Variants in CNOT6L observed in about 807,000 individuals in gnomAD.
CNOT6L encodes CCR4-NOT transcription complex subunit 6 like, also known as CCR4-NOT transcription complex subunit 6-like.
A neutral mutation model predicts 64.0 loss-of-function variants in CNOT6L; 7 were observed. That is an observed-to-expected ratio of 0.11 (90% CI 0.06 to 0.21). The LOEUF is 0.21. Ranked by LOEUF, CNOT6L falls within the 10% of genes least tolerant of loss-of-function variation. The probability of loss-of-function intolerance (pLI) is 1.00; values close to 1 mark genes in which losing one functional copy is unlikely to be tolerated. For synonymous variants in CNOT6L, 193 were observed against 243.4 expected, an observed-to-expected ratio of 0.79 and a Z score of 1.93; for missense variants, 245 against 669.0, an observed-to-expected ratio of 0.37 and a Z score of 6.99.
intron 1 of CNOT6L, 69 bp downstream of exon 1, chr4:77,819,234 TC>T: frequency 6.2e-7 from 1 of 1,611,894 alleles, no homozygotes; most frequent in Admixed American, 1.7e-5. Flanking sequence ...CTCTCCCACC[TC>T]ATTTCCCCGG....
chr4:77,807,276 C>CAAAAAAAAAAGAAAAAAA (rs1732344419), intron 1 of CNOT6L, among the ~76,000 whole-genome samples: 1 of 108,226 alleles, frequency 9.2e-6, no homozygotes, highest in African/African-American at 4.5e-5. Flanking sequence ...GACTCCATCT[C>CAAAAAAAAAAGAAAAAAA]AAAAAAAAAA....
At chr4:77,770,554 ACT>A (rs1467214175) in intron 4 of CNOT6L, among the ~76,000 whole-genome samples, 2 of 152,234 alleles carry the variant, frequency 1.3e-5, no homozygotes, top group Admixed American at 6.5e-5. Context: ...GGAAAGTGAC[ACT>A]GACAAAAAAC....
intron 1 of CNOT6L, among the ~76,000 whole-genome samples, chr4:77,781,172 G>T (rs1728815013): frequency 6.6e-6 from 1 of 151,970 alleles, no homozygotes; most frequent in South Asian, 2.1e-4. Context: ...ACACACCAGG[G>T]CCTGTCAGGG....
At chr4:77,734,978 A>G (rs991419892) in intron 8 of CNOT6L, among the ~76,000 whole-genome samples, 1 of 152,178 alleles carries the variant, frequency 6.6e-6, no homozygotes, top group African/African-American at 2.4e-5. Flanking sequence ...AGTACTTCAT[A>G]TATGTTAGTC....
At chr4:77,793,982 C>T (rs990572062) in intron 1 of CNOT6L, among the ~76,000 whole-genome samples, 29 of 151,392 alleles carry the variant, frequency 1.9e-4, no homozygotes, top group Non-Finnish European at 4.0e-4. Context: ...AAAACCCCAC[C>T]TCTACTAAAA....
At chr4:77,722,867 T>C (rs1721435199) in intron 11 of CNOT6L, among the ~76,000 whole-genome samples, 1 of 152,210 alleles carries the variant, frequency 6.6e-6, no homozygotes, top group South Asian at 2.1e-4. Context: ...TCAGTTTCTT[T>C]CTTAAAATAT....
intron 1 of CNOT6L, among the ~76,000 whole-genome samples, chr4:77,802,735 T>C (rs894127829): frequency 6.6e-6 from 1 of 152,178 alleles, no homozygotes; most frequent in African/African-American, 2.4e-5. Flanking sequence ...TTATCAACTA[T>C]CATTTTACAG....
chr4:77,739,288 GAAGA>G (rs1268301242), intron 8 of CNOT6L, among the ~76,000 whole-genome samples: 1 of 152,168 alleles, frequency 6.6e-6, no homozygotes, highest in Non-Finnish European at 1.5e-5. Flanking sequence ...TCTGATTACA[GAAGA>G]AAGAGACTGA....
chr4:77,753,317 G>C (rs1017320799), intron 5 of CNOT6L, among the ~76,000 whole-genome samples: 6 of 151,734 alleles, frequency 4.0e-5, no homozygotes, highest in Non-Finnish European at 5.9e-5. Context: ...ATCACAACTT[G>C]ACAAGGACAC....
intron 1 of CNOT6L, among the ~76,000 whole-genome samples, chr4:77,811,631 A>T (rs1303063392): frequency 6.6e-6 from 1 of 152,144 alleles, no homozygotes; most frequent in Non-Finnish European, 1.5e-5. Context: ...CAAGATAAGC[A>T]TTATTATCTG....
chr4:77,799,049 A>G (rs1731197562), intron 1 of CNOT6L, among the ~76,000 whole-genome samples: 2 of 152,196 alleles, frequency 1.3e-5, no homozygotes, highest in Non-Finnish European at 2.9e-5. Flanking sequence ...TATTTACCCA[A>G]GATAAATGAA....
intron 1 of CNOT6L, among the ~76,000 whole-genome samples, chr4:77,799,285 A>C (rs899829207): frequency 1.3e-5 from 2 of 152,094 alleles, no homozygotes; most frequent in Non-Finnish European, 1.5e-5. Flanking sequence ...CTTTGCTGGG[A>C]ATGGTGGCAC....
At position 77,717,139 on chromosome 4, in the gene CNOT6L, T is replaced by C. The variant is rs1441380637; in HGVS notation, c.*3292A>G. ...TGGGATTCTGTTCTCTGCTTGCTTTTAGGCAGTGCTGTTGCTTAAAAGTTG... is the reference window on the plus strand; with the variant it reads ...TGGGATTCTGTTCTCTGCTTGCTTTCAGGCAGTGCTGTTGCTTAAAAGTTG... On this transcript the variant is annotated 3_prime_UTR_variant, in exon 12 of 12. Transcript: ENST00000504123. 6.6e-6 allele frequency: 1 copy of C among 152,534 alleles called. No homozygotes were observed. Among genetic ancestry groups the C allele is most frequent in the Non-Finnish European group, 1.5e-5 (1 of 68,006 alleles). The allele number at this position is 152,534 out of a possible 1,614,324, so 9.4% of individuals were successfully genotyped here. A position where few individuals can be genotyped will look rare whatever the true frequency, so the allele number is the denominator to read the frequency against.
chr4:77,811,263 GA>G (rs1052215100), intron 1 of CNOT6L, among the ~76,000 whole-genome samples: 1 of 152,118 alleles, frequency 6.6e-6, no homozygotes, highest in African/African-American at 2.4e-5. Flanking sequence ...TAAAGATCAA[GA>G]AAGGGTCGGG....
intron 10 of CNOT6L, among the ~76,000 whole-genome samples, chr4:77,727,521 C>T (rs1034988282): frequency 3.7e-5 from 5 of 134,780 alleles, no homozygotes; most frequent in Non-Finnish European, 7.6e-5. Flanking sequence ...AAGACTGCAC[C>T]ACTGCACTCC....
At chr4:77,740,478 T>C (rs893191532) in intron 8 of CNOT6L, among the ~76,000 whole-genome samples, 1 of 152,182 alleles carries the variant, frequency 6.6e-6, no homozygotes, top group Non-Finnish European at 1.5e-5. Flanking sequence ...AGGCTAAAGA[T>C]TCAGTTTATT....
At chr4:77,735,733 A>G (rs534929730) in intron 8 of CNOT6L, among the ~76,000 whole-genome samples, 6 of 152,272 alleles carry the variant, frequency 3.9e-5, no homozygotes, top group African/African-American at 1.4e-4. Flanking sequence ...TTGATCGTCA[A>G]TTACTGATTA....
At chr4:77,779,888 C>T (rs1728666576) in intron 1 of CNOT6L, among the ~76,000 whole-genome samples, 1 of 152,078 alleles carries the variant, frequency 6.6e-6, no homozygotes, top group South Asian at 2.1e-4. Flanking sequence ...GGCATGAACC[C>T]GGGAGGCGGA....
At chr4:77,771,442 G>T (rs888252125) in intron 4 of CNOT6L, among the ~76,000 whole-genome samples, 2 of 152,178 alleles carry the variant, frequency 1.3e-5, no homozygotes, top group Non-Finnish European at 2.9e-5. Flanking sequence ...AACTCTAGCT[G>T]AATGGCTATT....
Sources: gnomAD v4.1 joint callset for allele counts (sites outside exome capture counted in the v4.1 genomes callset) on GRCh38, gnomAD v4.1.1 for gene constraint, MANE v1.5 for transcripts, NCBI Gene and HGNC (gene_info 2026-07-23, HGNC 2026-07-21) for gene names.